The following SPAG16 variants were observed in gnomAD, a reference collection of about 807,000 sequenced individuals.
SPAG16 encodes sperm-associated antigen 16 protein.
SPAG16 carries 86 observed loss-of-function variants against 80.4 expected under a neutral mutation model. That is an observed-to-expected ratio of 1.07 (90% CI 0.90 to 1.28). The LOEUF is 1.28. SPAG16 is among the 50% of genes most tolerant of loss of function. SPAG16 has a pLI of 0.00. For missense variants in SPAG16, 870 were observed against 765.3 expected (o/e 1.14, Z -1.61); for synonymous variants, 294 against 265.9 (o/e 1.11, Z -1.03).
chr2:214,006,198 G>T (rs1044553417), intron 12 of SPAG16, among the ~76,000 whole-genome samples: 1 of 151,880 alleles, frequency 6.6e-6, no homozygotes, highest in Non-Finnish European at 1.5e-5. Context: ...GCCACATTTT[G>T]TTGACCTGCA....
intron 10 of SPAG16, among the ~76,000 whole-genome samples, chr2:213,725,952 C>T (rs2066751348): frequency 6.6e-6 from 1 of 152,230 alleles, no homozygotes; most frequent in South Asian, 2.1e-4. Flanking sequence ...ACCCTACAAT[C>T]TGTCACCCAG....
chr2:214,208,961 C>T (rs17816758), intron 15 of SPAG16, among the ~76,000 whole-genome samples: 7,411 of 152,108 alleles, frequency 0.049, 228 homozygotes, highest in Middle Eastern at 0.13. Context: ...TTTATGGTTA[C>T]GGGATGAAGT....
intron 15 of SPAG16, among the ~76,000 whole-genome samples, chr2:214,290,360 A>C (rs557733008): frequency 6.6e-6 from 1 of 151,116 alleles, no homozygotes; most frequent in Non-Finnish European, 1.5e-5. Context: ...TGTTTTTTTG[A>C]ATCTCTATGT....
At chr2:213,399,462 A>G (rs554046254) in intron 9 of SPAG16, among the ~76,000 whole-genome samples, 2 of 152,168 alleles carry the variant, frequency 1.3e-5, no homozygotes, top group African/African-American at 4.8e-5. Flanking sequence ...AATGTGGTAA[A>G]TGTTGCCATG....
At chr2:214,394,162 T>A (rs1200202185) in intron 15 of SPAG16, among the ~76,000 whole-genome samples, 1 of 152,164 alleles carries the variant, frequency 6.6e-6, no homozygotes, top group Non-Finnish European at 1.5e-5. Flanking sequence ...TCTGTCTCTT[T>A]CTGTCTCTAT....
At chr2:213,717,155 C>CTTTTTT (rs1339762204) in intron 10 of SPAG16, among the ~76,000 whole-genome samples, 5 of 139,168 alleles carry the variant, frequency 3.6e-5, no homozygotes, top group African/African-American at 2.6e-5. Context: ...AGAAACTTTT[C>CTTTTTT]ATTTTTTTTT....
intron 9 of SPAG16, among the ~76,000 whole-genome samples, chr2:213,452,599 T>A (rs1313731406): frequency 6.6e-6 from 1 of 152,230 alleles, no homozygotes; most frequent in Non-Finnish European, 1.5e-5. Flanking sequence ...AATTAAAATA[T>A]AACTATTTTT....
At chr2:213,684,765 T>G (rs1345229127) in intron 10 of SPAG16, among the ~76,000 whole-genome samples, 1 of 152,234 alleles carries the variant, frequency 6.6e-6, no homozygotes, top group African/African-American at 2.4e-5. Context: ...TAACAAATGT[T>G]TTATTGGTAA....
chr2:214,366,463 A>G (rs1055862299), intron 15 of SPAG16, among the ~76,000 whole-genome samples: 4 of 152,196 alleles, frequency 2.6e-5, no homozygotes, highest in Admixed American at 2.0e-4. Context: ...TTAGAGAACG[A>G]TTACTCAACG....
intron 15 of SPAG16, among the ~76,000 whole-genome samples, chr2:214,191,727 G>GAAAAAAAAAAAA (rs367694225): frequency 8.6e-6 from 1 of 115,818 alleles, no homozygotes; most frequent in Admixed American, 9.6e-5. Context: ...AAAAAAAAAA[G>GAAAAAAAAAAAA]AAAAAAAAAA....
chr2:214,390,008 G>A (rs772040179), intron 15 of SPAG16, among the ~76,000 whole-genome samples: 6 of 152,142 alleles, frequency 3.9e-5, no homozygotes, highest in East Asian at 3.9e-4. Context: ...ATTAACCAAC[G>A]TTTGTACTGA....
chr2:213,316,091 T>G (rs952466802), intron 4 of SPAG16, among the ~76,000 whole-genome samples: 1 of 152,000 alleles, frequency 6.6e-6, no homozygotes, highest in Non-Finnish European at 1.5e-5. Flanking sequence ...ACTCTGAACA[T>G]GTATACTCAA....
intron 15 of SPAG16, among the ~76,000 whole-genome samples, chr2:214,244,478 TA>T (rs926892540): frequency 5.0e-4 from 76 of 151,120 alleles, no homozygotes; most frequent in African/African-American, 1.6e-3. Context: ...AGAAACAAAC[TA>T]AGTTTCATAG....
chr2:213,573,800 C>A (rs1027788653), intron 10 of SPAG16, among the ~76,000 whole-genome samples: 2 of 152,106 alleles, frequency 1.3e-5, no homozygotes, highest in African/African-American at 4.8e-5. Context: ...TCTAAGCACT[C>A]CCAGAAGCTT....
intron 11 of SPAG16, among the ~76,000 whole-genome samples, chr2:213,876,313 A>AG (rs2076139367): frequency 1.7e-5 from 2 of 118,732 alleles, no homozygotes; most frequent in African/African-American, 5.3e-5. Context: ...CCAAAAAAAA[A>AG]AAAAAAAGAA....
chr2:214,205,617 T>A (rs944269881), intron 15 of SPAG16, among the ~76,000 whole-genome samples: 1 of 152,096 alleles, frequency 6.6e-6, no homozygotes, highest in Admixed American at 6.6e-5. Flanking sequence ...TATTTATGCT[T>A]TAGTTGAGGA....
At chr2:213,476,794 C>G (rs2073423738) in intron 9 of SPAG16, among the ~76,000 whole-genome samples, 1 of 152,142 alleles carries the variant, frequency 6.6e-6, no homozygotes, top group Admixed American at 6.5e-5. Flanking sequence ...GATGTTACAG[C>G]TCTTTTACTC....
intron 10 of SPAG16, among the ~76,000 whole-genome samples, chr2:213,826,043 A>G (rs1397737515): frequency 2.0e-5 from 3 of 151,890 alleles, no homozygotes; most frequent in Non-Finnish European, 2.9e-5. Flanking sequence ...GTATTGGCAT[A>G]TAGTTGTTCA....
rs36059669 is a variant in SPAG16, at chr2:213,620,281, G to GTTT, written c.1070+130218_1070+130220dup. ...AATGTAGTTAACAATAATTTATTGA[G>GTTT]TTTTTTTTTTTTTTTTTTTTTTTTT... On this transcript the variant is annotated intron_variant, in intron 10 of 15. Coordinates refer to ENST00000331683, the MANE Select transcript of SPAG16 (RefSeq NM_024532.5). 9.0e-3 allele frequency among the ~76,000 whole-genome samples: 746 copies of GTTT among 82,818 alleles called. 125 individuals carry two copies. The highest frequency in any genetic ancestry group is 0.037 in the African/African-American group (699 of 18,964). The allele number at this position is 82,818 out of a possible 152,430, so 54.3% of individuals were successfully genotyped here.
Sources: allele counts gnomAD v4.1 joint callset (sites outside exome capture counted in the v4.1 genomes callset), GRCh38; gene constraint gnomAD v4.1.1; transcripts MANE v1.5; gene names NCBI Gene and HGNC (gene_info 2026-07-23, HGNC 2026-07-21).